The following NBEAL1 variants were observed in gnomAD, a reference collection of about 807,000 sequenced individuals.
NBEAL1 encodes neurobeachin like 1, also known as neurobeachin-like protein 1.
In NBEAL1, 273 loss-of-function variants were observed where a neutral mutation model predicts 351.3. The observed-to-expected ratio is 0.78, with a 90% CI of 0.70 to 0.86. The LOEUF (loss-of-function observed/expected upper bound fraction) is 0.86, where lower values mean the gene tolerates loss of function less well. Among genes scored for constraint, NBEAL1 ranks in the 40% least tolerant of loss-of-function variants. The pLI, the probability that NBEAL1 is intolerant of heterozygous loss-of-function variation, is 0.00. For synonymous variants in NBEAL1, 1,050 were observed against 1,086.4 expected, an observed-to-expected ratio of 0.97 and a Z score of 0.66; for missense variants, 2,961 against 3,201.3, an observed-to-expected ratio of 0.92 and a Z score of 1.81.
At chr2:203,045,396 A>G (rs2061209886) in intron 3 of NBEAL1, among the ~76,000 whole-genome samples, 1 of 152,122 alleles carries the variant, frequency 6.6e-6, no homozygotes, top group Non-Finnish European at 1.5e-5. Context: ...TTAGCCCTTT[A>G]GCAGGAAAAA....
At chr2:203,041,923 A>T in intron 3 of NBEAL1, 67 bp downstream of exon 3, 1 of 1,019,608 alleles carries the variant, frequency 9.8e-7, no homozygotes. Context: ...GATTTCATTG[A>T]TGACATATTA....
chr2:203,222,262 TTC>T lies in NBEAL1; in HGVS notation c.*4912_*4913del, dbSNP rs2065961109. 6.6e-6 allele frequency among the ~76,000 whole-genome samples: 1 copy of T among 152,192 alleles called. No individual in the cohort carries two copies. The highest frequency in any genetic ancestry group is 2.1e-4 in the South Asian group (1 of 4,832). On this transcript the variant is annotated 3_prime_UTR_variant, in exon 56 of 56. Transcript: ENST00000683969. ...TCTTAATGGATATTACAGATCAGAC[TTC>T]TCTGTGGAGTTTATAAATATACAGA... is the stretch of plus-strand genomic sequence containing the variant.
intron 46 of NBEAL1, 79 bp downstream of exon 46, chr2:203,190,468 G>C (rs1177435964): frequency 3.0e-6 from 3 of 986,134 alleles, no homozygotes; most frequent in South Asian, 1.5e-5. Flanking sequence ...TTGCAGTCAA[G>C]ATCCATGTAT....
At chr2:203,067,191 A>G (rs1263612489) in intron 6 of NBEAL1, among the ~76,000 whole-genome samples, 1 of 152,212 alleles carries the variant, frequency 6.6e-6, no homozygotes, top group Non-Finnish European at 1.5e-5. Flanking sequence ...ACTCCAGTGA[A>G]TTTTGTACTG....
rs574393830 is a variant in NBEAL1 at position 203,208,753 on chromosome 2, G to A, written c.7623G>A (p.Arg2541=). 6 of 1,576,048 alleles carry A rather than the reference G, an allele frequency of 3.8e-6. No individual in the cohort carries two copies. The East Asian group carries it at 1.4e-4, about 35-fold the overall frequency. The change falls in exon 52 of 56, where the codon AGG becomes AGA. Residue 2541 remains arginine, a splice_region_variant and synonymous_variant. Coordinates refer to ENST00000683969, the MANE Select transcript of NBEAL1 (RefSeq NM_001378026.1). The part of the protein sequence containing the change: ...TELDMAVSGS[R]DGTVIIHTIQ... Reference sequence around the variant, plus strand: ...TAGACATGGCAGTGTCAGGATCAAGGGTAAGATTTCACCTTTAAGAAATAC... The same window carrying A: ...TAGACATGGCAGTGTCAGGATCAAGAGTAAGATTTCACCTTTAAGAAATAC...
chr2:203,160,906 G>T (rs1333533098), intron 36 of NBEAL1, among the ~76,000 whole-genome samples: 2 of 152,124 alleles, frequency 1.3e-5, no homozygotes, highest in Admixed American at 6.6e-5. Context: ...TAACCCCCCC[G>T]ATCCAGCTGA....
At position 203,132,067 on chromosome 2, in the gene NBEAL1, T is replaced by G; in HGVS notation, c.3659T>G (p.Leu1220Arg). The G allele has an allele frequency of 6.4e-7, 1 of 1,552,646 alleles. No homozygotes were observed. Among genetic ancestry groups the G allele is most frequent in the South Asian group, 1.2e-5 (1 of 84,254 alleles). The change falls in exon 26 of 56, where the codon CTT becomes CGT. Residue 1220 changes from leucine to arginine, a missense_variant. Coordinates refer to ENST00000683969, the MANE Select transcript of NBEAL1 (RefSeq NM_001378026.1). ...GTTGGCTACTCGGGACTGGGACTCC[T>G]TCTTAATGAAGCACTTGTTAATACT... is the stretch of plus-strand genomic sequence containing the variant. ...REVGYSGLGLLLNEALVNTSL... is the reference protein window; with the variant it reads ...REVGYSGLGLRLNEALVNTSL...
At chr2:203,076,589 C>CTTTTT (rs369481909) in intron 7 of NBEAL1, among the ~76,000 whole-genome samples, 3 of 109,226 alleles carry the variant, frequency 2.7e-5, no homozygotes, top group African/African-American at 3.6e-5. Flanking sequence ...GTACTATGTA[C>CTTTTT]TTTTTTTTTT....
intron 35 of NBEAL1, 61 bp from the exon 36 acceptor site, chr2:203,157,638 C>T (rs1486357902): frequency 1.6e-6 from 2 of 1,282,512 alleles, no homozygotes; most frequent in Non-Finnish European, 2.1e-6. Flanking sequence ...TCAGAAATTA[C>T]AGAAAGGCTA....
intron 2 of NBEAL1, among the ~76,000 whole-genome samples, chr2:203,033,951 AC>A (rs1227436019): frequency 4.0e-5 from 6 of 151,208 alleles, no homozygotes; most frequent in Non-Finnish European, 8.8e-5. Context: ...CTACACATTT[AC>A]CCCCCCACCC....
intron 2 of NBEAL1, among the ~76,000 whole-genome samples, chr2:203,028,781 A>G (rs1179054445): frequency 1.3e-5 from 2 of 151,700 alleles, no homozygotes; most frequent in African/African-American, 2.4e-5. Flanking sequence ...TGAATTTTAT[A>G]TTTTCCTATT....
chr2:203,155,999 C>T (rs778924481), intron 35 of NBEAL1, among the ~76,000 whole-genome samples: 2 of 152,104 alleles, frequency 1.3e-5, no homozygotes, highest in South Asian at 2.1e-4. Context: ...ACAATGTTTC[C>T]AGCTGCCTGT....
At chr2:203,106,310 T>C (rs1291887652) in intron 12 of NBEAL1, among the ~76,000 whole-genome samples, 1 of 152,250 alleles carries the variant, frequency 6.6e-6, no homozygotes, top group Non-Finnish European at 1.5e-5. Flanking sequence ...ACTCCCTGTT[T>C]TCTGAAACAT....
intron 53 of NBEAL1, among the ~76,000 whole-genome samples, chr2:203,210,305 G>C (rs1393876116): frequency 6.7e-6 from 1 of 150,318 alleles, no homozygotes; most frequent in Non-Finnish European, 1.5e-5. Flanking sequence ...AGACGTTGCA[G>C]TGAGCCAAGA....
At chr2:203,165,062 C>T (rs771307091) in intron 36 of NBEAL1, among the ~76,000 whole-genome samples, 23 of 151,922 alleles carry the variant, frequency 1.5e-4, no homozygotes, top group Admixed American at 2.0e-4. Context: ...AGTTTCTCCA[C>T]GTTGGTCAGG....
chr2:203,064,218 A>C (rs1209996668), intron 6 of NBEAL1, among the ~76,000 whole-genome samples: 2 of 151,848 alleles, frequency 1.3e-5, no homozygotes, highest in Non-Finnish European at 2.9e-5. Flanking sequence ...CATGCCCAGC[A>C]AATTTTTTAT....
At position 203,167,289 on chromosome 2, in the gene NBEAL1, A is replaced by T; in HGVS notation, c.5926A>T (p.Asn1976Tyr). 1 of 1,613,086 alleles carries T rather than the reference A, an allele frequency of 6.2e-7. No individual in the cohort carries two copies. The highest frequency in any genetic ancestry group is 8.5e-7 in the Non-Finnish European group (1 of 1,179,634). The change falls in exon 38 of 56, where the codon AAT (asparagine) becomes TAT (tyrosine). Residue 1976 changes from asparagine to tyrosine, a missense_variant. Physicochemically the swap from Asn to Tyr is moderately radical, Grantham distance 143. Coordinates refer to ENST00000683969, the MANE Select transcript of NBEAL1 (RefSeq NM_001378026.1). The stretch of plus-strand genomic sequence containing the variant: ...TCGAGAGATTCATCTCCGGCGTTAC[A>T]ATTTAAGAAGATCAGCCCTTGAGAT... ...QIREIHLRRY[N>Y]LRRSALEIFH...
intron 28 of NBEAL1, 69 bp from the exon 29 acceptor site, chr2:203,136,530 T>A: frequency 8.7e-7 from 1 of 1,146,534 alleles, no homozygotes; most frequent in Non-Finnish European, 1.2e-6. Flanking sequence ...GTATATGTAA[T>A]GGTTCTTATG....
At chr2:203,137,469 A>C (rs1353296721) in intron 29 of NBEAL1, among the ~76,000 whole-genome samples, 1 of 152,142 alleles carries the variant, frequency 6.6e-6, no homozygotes, top group Non-Finnish European at 1.5e-5. Flanking sequence ...TCTTTTTTCC[A>C]CAGGGCAAGA....
Sources: gnomAD v4.1 joint callset for allele counts (sites outside exome capture counted in the v4.1 genomes callset) on GRCh38, gnomAD v4.1.1 for gene constraint, MANE v1.5 for transcripts, NCBI Gene and HGNC (gene_info 2026-07-23, HGNC 2026-07-21) for gene names.